Variants in COL9A1 observed in about 807,000 individuals in gnomAD.
COL9A1 encodes the protein collagen type IX alpha 1 chain.
A neutral mutation model predicts 142.6 loss-of-function variants in COL9A1; 104 were observed. The observed-to-expected ratio is 0.73, with a 90% confidence interval of 0.62 to 0.86. The LOEUF is 0.86. Among genes scored for constraint, COL9A1 ranks in the 40% least tolerant of loss-of-function variants. COL9A1 has a pLI of 0.00. For synonymous variants in COL9A1, 466 were observed against 396.0 expected (o/e 1.18, Z -2.10); for missense variants, 1,210 against 1,176.6 (o/e 1.03, Z -0.42).
chr6:70,283,936 T>C (rs751380067), intron 5 of COL9A1, 116 bp from the exon 6 acceptor site: 30 of 778,496 alleles, frequency 3.9e-5, no homozygotes, highest in Non-Finnish European at 5.2e-5. Flanking sequence ...CTTGAACTGG[T>C]TGAGCACACT....
At chr6:70,230,058 T>C (rs2127555770) in intron 36 of COL9A1, among the ~76,000 whole-genome samples, 1 of 152,284 alleles carries the variant, frequency 6.6e-6, no homozygotes, top group East Asian at 1.9e-4. Context: ...TACCATCCCT[T>C]CTTTACCAGG....
intron 26 of COL9A1, among the ~76,000 whole-genome samples, chr6:70,252,750 G>T (rs1020864977): frequency 6.6e-6 from 1 of 152,070 alleles, no homozygotes; most frequent in Admixed American, 6.6e-5. Context: ...AGAAAGCCCC[G>T]TCAGCAAGCT....
chr6:70,263,433 T>G, intron 18 of COL9A1, 136 bp from the exon 19 acceptor site: 2 of 658,256 alleles, frequency 3.0e-6, no homozygotes, highest in Non-Finnish European at 5.1e-6. Flanking sequence ...CTTAAATTAT[T>G]TATATGGGTA....
intron 30 of COL9A1, 127 bp from the exon 31 acceptor site, chr6:70,241,581 C>T: frequency 1.3e-6 from 1 of 777,574 alleles, no homozygotes; most frequent in Non-Finnish European, 2.2e-6. Context: ...GTTCCCACTC[C>T]TCACCACCCA....
rs755462233 is a variant in COL9A1, at chr6:70,272,064, C to G, written c.1089+1G>C. On this transcript the variant is annotated splice_donor_variant, in intron 13 of 37. Coordinates refer to ENST00000357250, the MANE Select transcript of COL9A1 (RefSeq NM_001851.6). LOFTEE classifies it high-confidence loss of function. The stretch of plus-strand genomic sequence containing the variant: ...AAAATAAATGATGAAGTGATACTTA[C>G]AGGGGGTCCAGGAATACCACGGCCC... 6 of 1,611,914 alleles carry G rather than the reference C, an allele frequency of 3.7e-6. No homozygotes were observed. Among genetic ancestry groups the G allele is most frequent in the Non-Finnish European group, 5.1e-6 (6 of 1,178,400 alleles).
chr6:70,276,334 T>G (rs1254272765), intron 10 of COL9A1, among the ~76,000 whole-genome samples: 6 of 152,168 alleles, frequency 3.9e-5, no homozygotes, highest in Admixed American at 1.3e-4. Flanking sequence ...TAACTGATCC[T>G]CTAATTCTCA....
chr6:70,279,670 A>AAAAAAAAAAAAAAAAAC (rs1554245283), intron 10 of COL9A1: 1 of 172,270 alleles, frequency 5.8e-6, no homozygotes, highest in African/African-American at 2.6e-5. Flanking sequence ...AAAAAAAAAA[A>AAAAAAAAAAAAAAAAAC]CACATACACA....
chr6:70,241,940 C>A, intron 30 of COL9A1, 24 bp downstream of exon 30: 1 of 1,568,722 alleles, frequency 6.4e-7, no homozygotes, highest in Non-Finnish European at 8.7e-7. Context: ...AATAAAGAAC[C>A]TTCTGGAGTG....
At chr6:70,281,509 C>T (rs1267648930) in intron 7 of COL9A1, 45 bp from the exon 8 acceptor site, 1 of 1,519,176 alleles carries the variant, frequency 6.6e-7, no homozygotes, top group South Asian at 1.2e-5. Flanking sequence ...CATCGGGCAA[C>T]AGGGAGCAAC....
intron 28 of COL9A1, among the ~76,000 whole-genome samples, chr6:70,249,763 A>G (rs1312267828): frequency 1.3e-5 from 2 of 151,434 alleles, no homozygotes; most frequent in Non-Finnish European, 2.9e-5. Flanking sequence ...CTCCTCACAT[A>G]AGAGAATCAA....
chr6:70,286,577 T>A (rs1773459893), intron 5 of COL9A1, among the ~76,000 whole-genome samples: 1 of 152,222 alleles, frequency 6.6e-6, no homozygotes, highest in South Asian at 2.1e-4. Context: ...TAAGCTTTTG[T>A]CTTCAGTGAC....
At chr6:70,293,903 T>C (rs1036857799) in intron 5 of COL9A1, among the ~76,000 whole-genome samples, 2 of 152,180 alleles carry the variant, frequency 1.3e-5, no homozygotes, top group African/African-American at 4.8e-5. Context: ...ATATTTTTAT[T>C]AGTTATGTGT....
Position 70,263,304 on chromosome 6 carries a change from A to T in COL9A1, c.1342-7T>A. On this transcript the variant is annotated splice_polypyrimidine_tract_variant and splice_region_variant and intron_variant, in intron 18 of 37. Coordinates refer to ENST00000357250, the MANE Select transcript of COL9A1 (RefSeq NM_001851.6). ...CCTGGTCACCTTCTTCACCCTAAAG[A>T]AAAAAAAGAAAAAAGAAAAGCACAC... The T allele has an allele frequency of 6.2e-7, 1 of 1,603,284 alleles. No individual in the cohort carries two copies. The highest frequency in any genetic ancestry group is 1.1e-5 in the South Asian group (1 of 88,754).
At chr6:70,218,134 C>G (rs989739814) in intron 37 of COL9A1, among the ~76,000 whole-genome samples, 3 of 152,146 alleles carry the variant, frequency 2.0e-5, no homozygotes, top group Admixed American at 2.0e-4. Flanking sequence ...TAGAACAAGA[C>G]TTCGTCTTAA....
chr6:70,289,376 T>C (rs1773573343), intron 5 of COL9A1, among the ~76,000 whole-genome samples: 1 of 152,066 alleles, frequency 6.6e-6, no homozygotes, highest in Non-Finnish European at 1.5e-5. Context: ...TAAAAGAAAG[T>C]TTGATCATTA....
At chr6:70,279,884 T>G (rs1309762696) in intron 10 of COL9A1, 4 of 501,708 alleles carry the variant, frequency 8.0e-6, no homozygotes, top group African/African-American at 7.8e-5. Context: ...TTTAGAAAAG[T>G]CTTTAGTTTT....
At chr6:70,222,745 T>G (rs989786750) in intron 37 of COL9A1, 5 of 152,028 alleles carry the variant, frequency 3.3e-5, no homozygotes, top group African/African-American at 1.2e-4. Flanking sequence ...CTATCTTTTT[T>G]TTTTTTATTC....
Position 70,245,247 on chromosome 6 carries a change from T to A in COL9A1, c.1873-2532A>T, listed in dbSNP as rs1245002877. 3.9e-5 allele frequency among the ~76,000 whole-genome samples: 6 copies of A among 152,346 alleles called. No individual in the cohort carries two copies. The East Asian group carries it at 1.2e-3, about 29-fold the overall frequency. On this transcript the variant is annotated intron_variant, in intron 28 of 37. Transcript: ENST00000357250. Reference sequence around the variant, plus strand: ...CATACTCTTGCTCTAAGTTCTGGAATTTCATCTACTAAGCTAAGATGAACA... The same window carrying A: ...CATACTCTTGCTCTAAGTTCTGGAAATTCATCTACTAAGCTAAGATGAACA...
At chr6:70,300,533 T>C in intron 2 of COL9A1, 147 bp from the exon 3 acceptor site, 1 of 350,302 alleles carries the variant, frequency 2.9e-6, no homozygotes, top group Middle Eastern at 8.7e-4. Flanking sequence ...TCAGGATGTA[T>C]CAATAATAAT....
Sources: gnomAD v4.1 joint callset for allele counts (sites outside exome capture counted in the v4.1 genomes callset) on GRCh38, gnomAD v4.1.1 for gene constraint, MANE v1.5 for transcripts, NCBI Gene and HGNC (gene_info 2026-07-23, HGNC 2026-07-21) for gene names.